Variants in BNC2 observed in about 807,000 individuals in gnomAD.
The protein encoded by BNC2 is basonuclin zinc finger protein 2.
In BNC2, 20 loss-of-function variants were observed where a neutral mutation model predicts 76.3. The observed-to-expected ratio is 0.26, with a 90% CI of 0.18 to 0.38. The LOEUF is 0.38. BNC2 is among the 10% of genes least tolerant of loss of function. BNC2 has a pLI of 1.00. For synonymous variants in BNC2, 582 were observed against 514.8 expected, an observed-to-expected ratio of 1.13 and a Z score of -1.77; for missense variants, 1,382 against 1,399.8, an observed-to-expected ratio of 0.99 and a Z score of 0.20.
chr9:16,776,796 AAAG>A (rs1421943855), intron 1 of BNC2, among the ~76,000 whole-genome samples: 1 of 152,204 alleles, frequency 6.6e-6, no homozygotes, highest in Non-Finnish European at 1.5e-5. Flanking sequence ...GGGTCAATTG[AAAG>A]AAACGAATAT....
chr9:16,607,340 A>G (rs1820414915), intron 3 of BNC2, among the ~76,000 whole-genome samples: 1 of 152,166 alleles, frequency 6.6e-6, no homozygotes, highest in Non-Finnish European at 1.5e-5. Flanking sequence ...GAAAATAATT[A>G]GGGAATGTAG....
At position 16,425,154 on chromosome 9, in the gene BNC2, T is replaced by G. The variant is rs142014474; in HGVS notation, c.2640-5505A>C. Among the ~76,000 whole-genome samples, 633 of 152,262 alleles carry G rather than the reference T, an allele frequency of 4.2e-3. 1 individual carries two copies. Among genetic ancestry groups the G allele is most frequent in the Middle Eastern group, 0.02 (6 of 294 alleles). On this transcript the variant is annotated intron_variant, in intron 6 of 6. Transcript: ENST00000380672. ...AATTAAAAGTATGAAACTCAGTCAT[T>G]TCAACCCCTTTCAATATAAAACAAA...
At chr9:16,633,103 C>T (rs745541060) in intron 3 of BNC2, among the ~76,000 whole-genome samples, 1 of 152,286 alleles carries the variant, frequency 6.6e-6, no homozygotes, top group East Asian at 1.9e-4. Flanking sequence ...GATGAGCCAC[C>T]TGTATTTCAT....
At chr9:16,529,782 C>G (rs77514323) in intron 5 of BNC2, among the ~76,000 whole-genome samples, 5,570 of 152,224 alleles carry the variant, frequency 0.037, 192 homozygotes, top group South Asian at 0.17. Flanking sequence ...TACCTGACAA[C>G]TGTTCCACTA....
At chr9:16,450,027 C>T (rs767463600) in intron 5 of BNC2, among the ~76,000 whole-genome samples, 10 of 152,100 alleles carry the variant, frequency 6.6e-5, no homozygotes, top group Non-Finnish European at 1.5e-4. Flanking sequence ...TGACTTATAA[C>T]TAGTCCAGAC....
At chr9:16,489,112 C>G (rs1326682608) in intron 5 of BNC2, among the ~76,000 whole-genome samples, 1 of 152,078 alleles carries the variant, frequency 6.6e-6, no homozygotes, top group Non-Finnish European at 1.5e-5. Flanking sequence ...GTAAAAGAGG[C>G]AAAACTTTTA....
At chr9:16,614,386 A>G (rs1820636977) in intron 3 of BNC2, among the ~76,000 whole-genome samples, 1 of 152,184 alleles carries the variant, frequency 6.6e-6, no homozygotes, top group Non-Finnish European at 1.5e-5. Context: ...GTATGCTTCA[A>G]AAGAGAAACA....
intron 3 of BNC2, among the ~76,000 whole-genome samples, chr9:16,605,275 G>C (rs1303745479): frequency 1.3e-5 from 2 of 152,332 alleles, no homozygotes; most frequent in South Asian, 4.1e-4. Flanking sequence ...GCAAAGTTAA[G>C]TTTAAAAATA....
chr9:16,438,087 A>G (rs568778957), intron 5 of BNC2, among the ~76,000 whole-genome samples: 10 of 152,164 alleles, frequency 6.6e-5, no homozygotes, highest in Non-Finnish European at 8.8e-5. Flanking sequence ...ACTACCCCTC[A>G]TACCTTGTTA....
Position 16,602,432 on chromosome 9 carries a change from G to C in BNC2, c.331-19347C>G, listed in dbSNP as rs1049338316. Among the ~76,000 whole-genome samples, 14 of 152,260 alleles carry C rather than the reference G, an allele frequency of 9.2e-5. 1 individual carries two copies. The East Asian group carries it at 1.9e-3, about 21-fold the overall frequency. ...CATGGTATTCACCAATGGGGCTTTG[G>C]AAAAATTTTTCCCAAGCCAGATGAC... On this transcript the variant is annotated intron_variant, in intron 3 of 6. Coordinates refer to ENST00000380672, the MANE Select transcript of BNC2 (RefSeq NM_017637.6).
At chr9:16,811,293 G>A (rs1396345728) in intron 1 of BNC2, among the ~76,000 whole-genome samples, 1 of 150,872 alleles carries the variant, frequency 6.6e-6, no homozygotes, top group Non-Finnish European at 1.5e-5. Flanking sequence ...GCTCACGCCT[G>A]TAATCCCAGA....
intron 3 of BNC2, among the ~76,000 whole-genome samples, chr9:16,667,074 TACAC>T (rs1229856022): frequency 8.3e-5 from 12 of 144,850 alleles, no homozygotes; most frequent in African/African-American, 3.3e-4. Context: ...ATCACTCAGA[TACAC>T]ATACACACAC....
At chr9:16,669,856 C>T (rs1255504921) in intron 3 of BNC2, among the ~76,000 whole-genome samples, 1 of 152,184 alleles carries the variant, frequency 6.6e-6, no homozygotes, top group Non-Finnish European at 1.5e-5. Flanking sequence ...GAAACTTGAA[C>T]TGCAGCTTAG....
At chr9:16,470,162 TA>T (rs1160144678) in intron 5 of BNC2, among the ~76,000 whole-genome samples, 1 of 151,926 alleles carries the variant, frequency 6.6e-6, no homozygotes, top group African/African-American at 2.4e-5. Flanking sequence ...CACGCCCAGC[TA>T]ATTTTTTATA....
intron 4 of BNC2, among the ~76,000 whole-genome samples, chr9:16,569,749 G>C (rs1431290894): frequency 6.6e-6 from 1 of 152,188 alleles, no homozygotes; most frequent in African/African-American, 2.4e-5. Flanking sequence ...AACAGGCAAA[G>C]AGAAAATTTT....
At chr9:16,459,090 A>T (rs1821517713) in intron 5 of BNC2, among the ~76,000 whole-genome samples, 1 of 152,252 alleles carries the variant, frequency 6.6e-6, no homozygotes, top group Non-Finnish European at 1.5e-5. Flanking sequence ...TTTAAGGGAA[A>T]AAAGAAACAA....
chr9:16,819,411 C>G (rs1369162043), intron 1 of BNC2, among the ~76,000 whole-genome samples: 2 of 152,094 alleles, frequency 1.3e-5, no homozygotes, highest in Non-Finnish European at 2.9e-5. Context: ...GCCTGTAATC[C>G]CAGCACACTG....
intron 1 of BNC2, among the ~76,000 whole-genome samples, chr9:16,777,361 A>ACAACTTCAAAAAGGACTCC (rs1825997316): frequency 6.6e-6 from 1 of 152,014 alleles, no homozygotes; most frequent in South Asian, 2.1e-4. Flanking sequence ...ATGAGGAGCA[A>ACAACTTCAAAAAGGACTCC]ATTTGAATTG....
At chr9:16,786,068 A>G (rs1340368239) in intron 1 of BNC2, among the ~76,000 whole-genome samples, 1 of 152,128 alleles carries the variant, frequency 6.6e-6, no homozygotes, top group Non-Finnish European at 1.5e-5. Context: ...GCACCCAAAG[A>G]GTTAAAATTA....
Sources: gnomAD v4.1 joint callset for allele counts (sites outside exome capture counted in the v4.1 genomes callset) on GRCh38, gnomAD v4.1.1 for gene constraint, MANE v1.5 for transcripts, NCBI Gene and HGNC (gene_info 2026-07-23, HGNC 2026-07-21) for gene names.